Variants in ACOX3 observed in about 807,000 individuals in gnomAD.
ACOX3 encodes peroxisomal acyl-coenzyme A oxidase 3.
Under a neutral mutation model 81.5 loss-of-function variants are expected in ACOX3, and 73 were observed. The observed-to-expected ratio is 0.90, with a 90% CI of 0.74 to 1.09. The LOEUF is 1.09. Among genes scored for constraint, ACOX3 ranks in the 50% least tolerant of loss-of-function variants. The probability of loss-of-function intolerance (pLI) is 0.00; values close to 1 mark genes in which losing one functional copy is unlikely to be tolerated. For synonymous variants in ACOX3, 387 were observed against 375.1 expected (o/e 1.03, Z -0.37); for missense variants, 947 against 928.0 (o/e 1.02, Z -0.27).
At chr4:8,429,078 C>G (rs540983045) in intron 1 of ACOX3, among the ~76,000 whole-genome samples, 27 of 152,208 alleles carry the variant, frequency 1.8e-4, no homozygotes, top group Non-Finnish European at 3.4e-4. Flanking sequence ...ACTCCGAGAT[C>G]AGCTCCATTT....
In ACOX3 at chr4:8,366,746, C is replaced by T. The variant is rs1010379983; in HGVS notation, c.*215G>A. On this transcript the variant is annotated 3_prime_UTR_variant, in exon 18 of 18. Coordinates refer to ENST00000356406, the MANE Select transcript of ACOX3 (RefSeq NM_003501.3). The stretch of plus-strand genomic sequence containing the variant: ...CATGATCATCTGCATTTCTTTTCCA[C>T]GCTGCAAATCACCGCGATCCCAGAT... The T allele has an allele frequency of 6.4e-5, 31 of 486,246 alleles. 1 individual carries two copies. The highest frequency in any genetic ancestry group is 4.3e-4 in the South Asian group (15 of 34,616). The allele number at this position is 486,246 out of a possible 1,614,324, so 30.1% of individuals were successfully genotyped here. A position where few individuals can be genotyped will look rare whatever the true frequency, so the allele number is the denominator to read the frequency against.
At chr4:8,422,108 T>A (rs1723011501) in intron 1 of ACOX3, among the ~76,000 whole-genome samples, 1 of 150,426 alleles carries the variant, frequency 6.6e-6, no homozygotes, top group South Asian at 2.1e-4. Context: ...CCAAAATCCA[T>A]CTATCAAGAG....
At chr4:8,397,230 C>T in intron 8 of ACOX3, 111 bp from the exon 9 acceptor site, 2 of 1,097,768 alleles carry the variant, frequency 1.8e-6, no homozygotes, top group Non-Finnish European at 1.2e-6. Context: ...AGACCTGTGC[C>T]CACCTGCCCA....
intron 11 of ACOX3, among the ~76,000 whole-genome samples, chr4:8,391,395 C>T (rs1718984998): frequency 6.6e-6 from 1 of 152,168 alleles, no homozygotes; most frequent in Non-Finnish European, 1.5e-5. Context: ...ATCACAAAAA[C>T]TCTCACAAAC....
chr4:8,374,460 G>C (rs1279464320), intron 15 of ACOX3: 2 of 153,282 alleles, frequency 1.3e-5, no homozygotes, highest in African/African-American at 4.8e-5. Context: ...GTGTATCCTA[G>C]TACCAAAGAT....
In ACOX3 at chr4:8,407,779, G is replaced by A. The variant is rs62286042; in HGVS notation, c.688-1736C>T. Among the ~76,000 whole-genome samples, 4,179 of 152,330 alleles carry A rather than the reference G, an allele frequency of 0.027. 71 individuals are homozygous for A. Among genetic ancestry groups the A allele is most frequent in the Middle Eastern group, 0.041 (12 of 294 alleles). On this transcript the variant is annotated intron_variant, in intron 6 of 17. Transcript: ENST00000356406. This position sits in a 1 kb window ranked among gnomAD's most constrained non-coding sequence, Gnocchi z 4.6. The stretch of plus-strand genomic sequence containing the variant: ...ACAGGTCCAGCCAGCTAATGGCTGC[G>A]CACTGTGGGAACTCGACGGAAGGAC...
intron 1 of ACOX3, among the ~76,000 whole-genome samples, chr4:8,424,112 T>C (rs1000827932): frequency 1.3e-5 from 2 of 152,238 alleles, no homozygotes; most frequent in Admixed American, 6.5e-5. Flanking sequence ...GAGGAATGCA[T>C]CCAGCCTATA....
In ACOX3 at chr4:8,386,653, C is replaced by T. The variant is rs1302519687; in HGVS notation, c.1537+2520G>A. ...CGTTTCCCACTGGCACCCAAAAAGG[C>T]AGGCTAAGATCTGCACGGTTAGTTA... On this transcript the variant is annotated intron_variant, in intron 13 of 17. Transcript: ENST00000356406. The surrounding 1 kb of genome is among the most constrained non-coding windows in gnomAD (Gnocchi z 5.2). Among the ~76,000 whole-genome samples, 1 of 152,052 alleles carries T rather than the reference C, an allele frequency of 6.6e-6. No individual in the cohort carries two copies. The highest frequency in any genetic ancestry group is 1.5e-5 in the Non-Finnish European group (1 of 68,032).
In ACOX3 at chr4:8,389,477, A is replaced by G; in HGVS notation, c.1423+135T>C. The G allele has an allele frequency of 1.4e-6, 2 of 1,457,804 alleles. No homozygotes were observed. The highest frequency in any genetic ancestry group is 9.3e-7 in the Non-Finnish European group (1 of 1,071,406). 90.3% of individuals were successfully genotyped at this position (1,457,804 alleles called of 1,614,324 possible). A position where few individuals can be genotyped will look rare whatever the true frequency, so the allele number is the denominator to read the frequency against. ...CCCATGCCTTGGGGAGTTGGTCGGC[A>G]CTATCTAATAACATTTCTTTCCTTC... On this transcript the variant is annotated intron_variant, in intron 12 of 17. Transcript: ENST00000356406. This position sits in a 1 kb window ranked among gnomAD's most constrained non-coding sequence, Gnocchi z 5.3.
chr4:8,439,094 T>C (rs2109059952), intron 1 of ACOX3: 1 of 152,372 alleles, frequency 6.6e-6, no homozygotes, highest in East Asian at 1.9e-4. Context: ...AATACTGTTT[T>C]CCTATTGTTC....
chr4:8,393,490 A>AAAACAAAC (rs138758419), intron 10 of ACOX3, among the ~76,000 whole-genome samples: 2,000 of 127,664 alleles, frequency 0.016, 32 homozygotes, highest in African/African-American at 0.047. Flanking sequence ...CTCCGTCTCA[A>AAAACAAAC]AAACAAACAA....
rs1718244817 is a variant in ACOX3 at position 8,385,930 on chromosome 4, C to T, written c.1537+3243G>A. Among the ~76,000 whole-genome samples the T allele has an allele frequency of 6.6e-6, 1 of 152,220 alleles. No homozygotes were observed. Among genetic ancestry groups the T allele is most frequent in the African/African-American group, 2.4e-5 (1 of 41,440 alleles). On this transcript the variant is annotated intron_variant, in intron 13 of 17. Transcript: ENST00000356406. This position sits in a 1 kb window ranked among gnomAD's most constrained non-coding sequence, Gnocchi z 5.5. ...GGATAATGGCGGTCTCTCTCCCATA[C>T]CACTTTGAACAAGTGAAAGCCATTT...
intron 5 of ACOX3, among the ~76,000 whole-genome samples, chr4:8,412,403 G>C (rs1056803719): frequency 1.3e-5 from 2 of 151,406 alleles, no homozygotes; most frequent in Admixed American, 6.6e-5. Context: ...GGAATGAATG[G>C]ATGGATGAAA....
the ACOX3 span, among the ~76,000 whole-genome samples, chr4:8,360,562 C>A: frequency 6.6e-6 from 1 of 151,676 alleles, no homozygotes. Flanking sequence ...AGCTCCGCCT[C>A]CTGGGTTCAT....
rs145260302 is a variant in ACOX3, at chr4:8,410,230, C to T, written c.669G>A (p.Leu223=). ...LCVPGDQCHG[L]HPFIVQIRDP... The stretch of plus-strand genomic sequence containing the variant: ...GTCCTACCTGCACGATAAAGGGATG[C>T]AGCCCATGGCACTGGTCCCCTGGCA... The change falls in exon 6 of 18, where the codon CTG becomes CTA. Residue 223 remains leucine (L), a synonymous_variant. Coordinates refer to ENST00000356406, the MANE Select transcript of ACOX3 (RefSeq NM_003501.3). 17 of 1,613,888 alleles carry T rather than the reference C, an allele frequency of 1.1e-5. No homozygotes were observed. In the African/African-American group the frequency reaches 1.6e-4, roughly 15 times the overall value.
intron 1 of ACOX3, among the ~76,000 whole-genome samples, chr4:8,417,937 A>G (rs1241098411): frequency 6.6e-6 from 1 of 152,222 alleles, no homozygotes; most frequent in Non-Finnish European, 1.5e-5. Flanking sequence ...CCAACAAATG[A>G]TATGAAGTGG....
At chr4:8,434,427 A>C (rs1179465666) in intron 1 of ACOX3, among the ~76,000 whole-genome samples, 1 of 152,224 alleles carries the variant, frequency 6.6e-6, no homozygotes, top group East Asian at 1.9e-4. Context: ...AGGGACGTTC[A>C]AGCCAGCCCC....
In ACOX3 at chr4:8,429,432, G is replaced by T. The variant is rs1233015551; in HGVS notation, c.-15+11216C>A. On this transcript the variant is annotated intron_variant, in intron 1 of 17. Coordinates refer to ENST00000356406, the MANE Select transcript of ACOX3 (RefSeq NM_003501.3). The stretch of plus-strand genomic sequence containing the variant: ...GAAAGTAAACAGTTCCAGGTGCAGG[G>T]GCTTTAAGACTATTACAAGGTGATA... Among the ~76,000 whole-genome samples the T allele has an allele frequency of 3.9e-5, 6 of 152,302 alleles. No homozygotes were observed. In the South Asian group the frequency reaches 1.0e-3, roughly 26 times the overall value.
At chr4:8,420,050 C>T (rs540756413) in intron 1 of ACOX3, among the ~76,000 whole-genome samples, 1 of 152,330 alleles carries the variant, frequency 6.6e-6, no homozygotes, top group Admixed American at 6.5e-5. Flanking sequence ...GCTACATAGA[C>T]CTCAACTGTG....
Sources: allele counts gnomAD v4.1 joint callset (sites outside exome capture counted in the v4.1 genomes callset), GRCh38; gene constraint gnomAD v4.1.1; non-coding constraint Gnocchi (gnomAD v3.1); transcripts MANE v1.5; gene names NCBI Gene and HGNC (gene_info 2026-07-23, HGNC 2026-07-21).